Variants in ARPC1A observed in about 807,000 individuals in gnomAD.
The protein encoded by ARPC1A is actin-related protein 2/3 complex subunit 1A.
A neutral mutation model predicts 46.9 loss-of-function variants in ARPC1A; 8 were observed. The observed-to-expected ratio is 0.17, with a 90% CI of 0.10 to 0.31. The LOEUF is 0.31. ARPC1A is among the 10% of genes least tolerant of loss of function. The pLI is 1.00. For missense variants in ARPC1A, 286 were observed against 483.6 expected, an observed-to-expected ratio of 0.59 and a Z score of 3.83; for synonymous variants, 152 against 169.0, an observed-to-expected ratio of 0.90 and a Z score of 0.78.
intron 3 of ARPC1A, among the ~76,000 whole-genome samples, chr7:99,341,470 G>A (rs527787908): frequency 1.1e-4 from 17 of 152,206 alleles, no homozygotes; most frequent in African/African-American, 3.9e-4. Flanking sequence ...TTAGCTGGGC[G>A]TGGTGGCACA....
chr7:99,342,474 G>A (rs955540968), intron 3 of ARPC1A, among the ~76,000 whole-genome samples: 1 of 151,962 alleles, frequency 6.6e-6, no homozygotes, highest in East Asian at 1.9e-4. Context: ...GAGCCTGGGA[G>A]GTTGAGGCTG....
intron 3 of ARPC1A, among the ~76,000 whole-genome samples, chr7:99,341,211 A>G (rs1359701303): frequency 6.6e-6 from 1 of 152,144 alleles, no homozygotes; most frequent in East Asian, 1.9e-4. Context: ...CAGGAGGCTG[A>G]GACATGAGAA....
intron 6 of ARPC1A, among the ~76,000 whole-genome samples, chr7:99,356,817 G>A (rs964350148): frequency 1.3e-5 from 2 of 151,900 alleles, no homozygotes; most frequent in Non-Finnish European, 1.5e-5. Flanking sequence ...GGAGAATGGC[G>A]TGAACCTGGG....
intron 5 of ARPC1A, among the ~76,000 whole-genome samples, chr7:99,352,683 G>A (rs985378797): frequency 6.7e-6 from 1 of 149,804 alleles, no homozygotes; most frequent in African/African-American, 2.5e-5. Context: ...TGGAGCGGGG[G>A]ATCAGGTGTG....
chr7:99,339,798 CCCTTG>C, intron 3 of ARPC1A: 1 of 283,382 alleles, frequency 3.5e-6, no homozygotes, highest in East Asian at 7.9e-5. Flanking sequence ...GAATAGGCAT[CCCTTG>C]ATTTCTGTAC....
At position 99,344,584 on chromosome 7, in the gene ARPC1A, C is replaced by T. The variant is rs1268658441; in HGVS notation, c.392+69C>T. Reference sequence around the variant, plus strand: ...ACATTTGCACTGCTGTGTGAGGGCTCACCATAACTCCAGTTTTTCTCATCC... The same window carrying T: ...ACATTTGCACTGCTGTGTGAGGGCTTACCATAACTCCAGTTTTTCTCATCC... On this transcript the variant is annotated intron_variant, in intron 4 of 9. Transcript: ENST00000262942. The T allele has an allele frequency of 2.7e-6, 4 of 1,461,986 alleles. No homozygotes were observed. In the African/African-American group the frequency reaches 5.6e-5, roughly 20 times the overall value. 90.6% of individuals were successfully genotyped at this position (1,461,986 alleles called of 1,614,324 possible). A position where few individuals can be genotyped will look rare whatever the true frequency, so the allele number is the denominator to read the frequency against.
chr7:99,363,056 C>T (rs1450979838), intron 8 of ARPC1A, among the ~76,000 whole-genome samples: 3 of 152,108 alleles, frequency 2.0e-5, no homozygotes, highest in African/African-American at 4.8e-5. Flanking sequence ...ATACTGTTTT[C>T]GCCATGGCTG....
At chr7:99,353,308 GC>G (rs1381515872) in intron 5 of ARPC1A, among the ~76,000 whole-genome samples, 2 of 151,498 alleles carry the variant, frequency 1.3e-5, no homozygotes, top group African/African-American at 4.9e-5. Flanking sequence ...ACAGGCGCCT[GC>G]CACCACACCC....
chr7:99,334,388 A>G (rs533277184), intron 2 of ARPC1A, among the ~76,000 whole-genome samples: 11 of 151,998 alleles, frequency 7.2e-5, no homozygotes, highest in Non-Finnish European at 1.3e-4. Flanking sequence ...TAACAATAAT[A>G]ATTAAATAAT....
intron 1 of ARPC1A, among the ~76,000 whole-genome samples, chr7:99,329,944 T>C (rs903614998): frequency 6.6e-6 from 1 of 152,190 alleles, no homozygotes; most frequent in Non-Finnish European, 1.5e-5. Context: ...TAAGGAGTTA[T>C]AACAGCATGT....
chr7:99,332,603 GA>G (rs925705583), intron 1 of ARPC1A, among the ~76,000 whole-genome samples: 2 of 150,590 alleles, frequency 1.3e-5, no homozygotes, highest in African/African-American at 2.4e-5. Context: ...CAATGAGATA[GA>G]TTTTTTTTTT....
At chr7:99,340,604 G>A (rs916800365) in intron 3 of ARPC1A, among the ~76,000 whole-genome samples, 4 of 152,228 alleles carry the variant, frequency 2.6e-5, no homozygotes, top group Non-Finnish European at 4.4e-5. Flanking sequence ...CAGCACACCC[G>A]GCTAATTTTT....
At chr7:99,337,118 G>A (rs1225542219) in intron 2 of ARPC1A, among the ~76,000 whole-genome samples, 1 of 151,986 alleles carries the variant, frequency 6.6e-6, no homozygotes, top group Non-Finnish European at 1.5e-5. Flanking sequence ...TATACGATTT[G>A]AGCACTGAAA....
intron 2 of ARPC1A, among the ~76,000 whole-genome samples, chr7:99,337,959 A>G (rs1057338060): frequency 1.3e-5 from 2 of 152,168 alleles, no homozygotes; most frequent in African/African-American, 4.8e-5. Context: ...CTCTGGGAAA[A>G]TGAATTTTAA....
chr7:99,329,208 G>A (rs2150856582), intron 1 of ARPC1A, among the ~76,000 whole-genome samples: 1 of 152,080 alleles, frequency 6.6e-6, no homozygotes, highest in South Asian at 2.1e-4. Context: ...GGCTGAGGCA[G>A]GAGAATGGCG....
chr7:99,348,894 C>A lies in ARPC1A; in HGVS notation c.435C>A (p.Val145=). Residue 145 remains valine (V), a synonymous_variant, in exon 5 of 10, where the codon GTC becomes GTA. Coordinates refer to ENST00000262942, the MANE Select transcript of ARPC1A (RefSeq NM_006409.4). ...TTAAAAAGCCGATTCGCTCCACAGT[C>A]CTCAGCTTGGATTGGCATCCCAACA... ...KHIKKPIRST[V]LSLDWHPNNV... 1 of 1,614,120 alleles carries A rather than the reference C, an allele frequency of 6.2e-7. No homozygotes were observed. The highest frequency in any genetic ancestry group is 8.5e-7 in the Non-Finnish European group (1 of 1,180,012).
rs1267866235 is a variant in ARPC1A, at chr7:99,348,939, A to G, written c.480A>G (p.Gly160=). ...WHPNNVLLAA[G]SCDFKCRVFS... is the part of the protein sequence containing the mutation. ...CCAACAACGTTTTGCTGGCAGCAGGATCATGTGACTTCAAATGCAGGTGGG... is the reference window on the plus strand; with the variant it reads ...CCAACAACGTTTTGCTGGCAGCAGGGTCATGTGACTTCAAATGCAGGTGGG... The change falls in exon 5 of 10, where the codon GGA becomes GGG. Residue 160 remains glycine, a synonymous_variant. Transcript: ENST00000262942. 6.2e-7 allele frequency: 1 copy of G among 1,614,026 alleles called. No individual in the cohort carries two copies. The highest frequency in any genetic ancestry group is 1.1e-5 in the South Asian group (1 of 91,080).
At chr7:99,340,572 A>G (rs1409672590) in intron 3 of ARPC1A, among the ~76,000 whole-genome samples, 3 of 152,102 alleles carry the variant, frequency 2.0e-5, no homozygotes, top group Non-Finnish European at 4.4e-5. Context: ...CCTCCCCAGG[A>G]GCTGGTACTA....
At chr7:99,353,390 C>T (rs1233433400) in intron 5 of ARPC1A, among the ~76,000 whole-genome samples, 3 of 152,118 alleles carry the variant, frequency 2.0e-5, no homozygotes, top group Non-Finnish European at 2.9e-5. Context: ...GATCTCCTGA[C>T]CTCATGATCC....
Sources: gnomAD v4.1 joint callset for allele counts (sites outside exome capture counted in the v4.1 genomes callset) on GRCh38, gnomAD v4.1.1 for gene constraint, MANE v1.5 for transcripts, NCBI Gene and HGNC (gene_info 2026-07-23, HGNC 2026-07-21) for gene names.